PLSCR4: variants seen among roughly 807,000 people sequenced by gnomAD.
The protein encoded by PLSCR4 is phospholipid scramblase 4, also known as Ca(2+)-dependent phospholipid scramblase 4.
A neutral mutation model predicts 36.3 loss-of-function variants in PLSCR4; 25 were observed. The ratio of observed to expected loss-of-function variants is 0.69; its 90% CI spans 0.50 to 0.96. The LOEUF (loss-of-function observed/expected upper bound fraction) is 0.96, where lower values mean the gene tolerates loss of function less well. Ranked by LOEUF, PLSCR4 falls within the 40% of genes least tolerant of loss-of-function variation. PLSCR4 has a pLI of 0.00. For synonymous variants in PLSCR4, 122 were observed against 132.9 expected (o/e 0.92, Z 0.56); for missense variants, 408 against 414.7 (o/e 0.98, Z 0.14).
intron 7 of PLSCR4, among the ~76,000 whole-genome samples, 159 bp from the exon 8 acceptor site, chr3:146,195,441 T>C (rs1338109152): frequency 6.6e-6 from 1 of 152,210 alleles, no homozygotes; most frequent in African/African-American, 2.4e-5. Flanking sequence ...GTTAACTGCC[T>C]TGCAACTGGT....
chr3:146,236,399 T>C (rs754513621), intron 1 of PLSCR4, among the ~76,000 whole-genome samples: 1 of 152,184 alleles, frequency 6.6e-6, no homozygotes, highest in Admixed American at 6.5e-5. Context: ...GTTAACAGAA[T>C]AGTTAAATGC....
rs772363844 is a variant in PLSCR4, at chr3:146,206,744, C to T, written c.136G>A (p.Val46Ile). The T allele has an allele frequency of 1.3e-6, 2 of 1,590,670 alleles. No individual in the cohort carries two copies. Among genetic ancestry groups the T allele is most frequent in the Admixed American group, 1.8e-5 (1 of 55,434 alleles). ...HFLPGPPGTAVPPPTGYPGGL... is the reference protein window; with the variant it reads ...HFLPGPPGTAIPPPTGYPGGL... Reference sequence around the variant, plus strand: ...CCTGGGTAGCCAGTAGGTGGAGGGACAGCTGTTCCAGGGGGTCCTGTGTTC... The same window carrying T: ...CCTGGGTAGCCAGTAGGTGGAGGGATAGCTGTTCCAGGGGGTCCTGTGTTC... Residue 46 changes from valine to isoleucine, a missense_variant, in exon 4 of 9, where the codon GTC becomes ATC. Physicochemically the swap from Val to Ile is conservative, Grantham distance 29 (BLOSUM62 3). Coordinates refer to ENST00000354952, the MANE Select transcript of PLSCR4 (RefSeq NM_020353.3).
chr3:146,235,075 A>T (rs2035861134), intron 1 of PLSCR4, among the ~76,000 whole-genome samples: 2 of 152,040 alleles, frequency 1.3e-5, no homozygotes. Context: ...ATGCAAAATG[A>T]CTACAACACA....
At position 146,228,950 on chromosome 3, in the gene PLSCR4, A is replaced by G. The variant is rs574714695; in HGVS notation, c.-21-6858T>C. Among the ~76,000 whole-genome samples the G allele has an allele frequency of 2.6e-5, 4 of 152,332 alleles. No individual in the cohort carries two copies. In the East Asian group the frequency reaches 5.8e-4, roughly 22 times the overall value. On this transcript the variant is annotated intron_variant, in intron 1 of 8. Coordinates refer to ENST00000354952, the MANE Select transcript of PLSCR4 (RefSeq NM_020353.3). Reference sequence around the variant, plus strand: ...TCACAAGTACCTAGGCTGGGTGAATATAAGTGCTAATAGGTCTAAGAAAAT... The same window carrying G: ...TCACAAGTACCTAGGCTGGGTGAATGTAAGTGCTAATAGGTCTAAGAAAAT...
chr3:146,247,697 A>C (rs1378328277), intron 1 of PLSCR4, among the ~76,000 whole-genome samples: 1 of 152,106 alleles, frequency 6.6e-6, no homozygotes, highest in Admixed American at 6.6e-5. Flanking sequence ...ATAATGGCTC[A>C]CTGCAGCCTT....
chr3:146,234,288 G>A (rs1413247551), intron 1 of PLSCR4, among the ~76,000 whole-genome samples: 1 of 152,164 alleles, frequency 6.6e-6, no homozygotes, highest in East Asian at 1.9e-4. Context: ...GACAGCTCCA[G>A]GAGAAGCCCT....
chr3:146,222,795 GAGAGCA>G (rs901370202), intron 1 of PLSCR4, among the ~76,000 whole-genome samples: 29 of 152,182 alleles, frequency 1.9e-4, no homozygotes, highest in African/African-American at 6.8e-4. Flanking sequence ...ATCATACAAT[GAGAGCA>G]AGAGTAGAAG....
intron 1 of PLSCR4, among the ~76,000 whole-genome samples, chr3:146,236,526 T>TCTTTTCTGTGCTG: frequency 6.6e-6 from 1 of 152,220 alleles, no homozygotes; most frequent in East Asian, 1.9e-4. Context: ...TGGGGGCAGG[T>TCTTTTCTGTGCTG]CTTTTCTGTG....
rs143313993 is a variant in PLSCR4, at chr3:146,195,212, A to G, written c.857T>C (p.Met286Thr). 5.0e-6 allele frequency: 8 copies of G among 1,612,570 alleles called. No individual in the cohort carries two copies. The highest frequency in any genetic ancestry group is 6.8e-6 in the Non-Finnish European group (8 of 1,178,610). The change falls in exon 8 of 9, where the codon ATG becomes ACG. Residue 286 changes from methionine to threonine, a missense_variant. Physicochemically the swap from Met to Thr is moderately conservative, Grantham distance 81. Transcript: ENST00000354952. ...IRKWNGLLSAMADADHFDIHF... is the reference protein window; with the variant it reads ...IRKWNGLLSATADADHFDIHF... ...AATGTCAAAATGGTCAGCATCTGCCATTGCTGATAACAAACCATTCCACTT... is the reference window on the plus strand; with the variant it reads ...AATGTCAAAATGGTCAGCATCTGCCGTTGCTGATAACAAACCATTCCACTT...
chr3:146,195,249 T>C lies in PLSCR4; in HGVS notation c.820A>G (p.Ser274Gly), dbSNP rs1271133319. 6.2e-7 allele frequency: 1 copy of C among 1,613,802 alleles called. No individual in the cohort carries two copies. Among genetic ancestry groups the C allele is most frequent in the South Asian group, 1.1e-5 (1 of 91,058 alleles). ...AAACCATTCCACTTCCGGATAATAC[T>C]GCCGATGTTGGATATGCCATCAAGG... ...KSLDGISNIGSIIRKWNGLLS... is the reference protein window; with the variant it reads ...KSLDGISNIGGIIRKWNGLLS... Residue 274 changes from serine (S) to glycine (G), a missense_variant, in exon 8 of 9, where the codon AGT (serine) becomes GGT (glycine). Physicochemically the swap from Ser to Gly is moderately conservative, Grantham distance 56. Coordinates refer to ENST00000354952, the MANE Select transcript of PLSCR4 (RefSeq NM_020353.3).
At chr3:146,195,602 G>C (rs148825250) in intron 7 of PLSCR4, among the ~76,000 whole-genome samples, 6 of 152,280 alleles carry the variant, frequency 3.9e-5, no homozygotes, top group African/African-American at 1.2e-4. Flanking sequence ...AATTGGGAGA[G>C]AGTCACTTCC....
At chr3:146,242,299 C>G (rs939470222) in intron 1 of PLSCR4, among the ~76,000 whole-genome samples, 1 of 152,104 alleles carries the variant, frequency 6.6e-6, no homozygotes, top group African/African-American at 2.4e-5. Context: ...TAAAGTTTTT[C>G]TTTTAAGAGT....
chr3:146,216,196 A>G (rs756818731), intron 3 of PLSCR4, among the ~76,000 whole-genome samples: 17 of 152,114 alleles, frequency 1.1e-4, no homozygotes, highest in Non-Finnish European at 2.4e-4. Flanking sequence ...GCATCACTGT[A>G]CTCCAGCCTG....
At chr3:146,220,747 A>G (rs931619519) in intron 3 of PLSCR4, 68 bp downstream of exon 3, 1 of 1,007,350 alleles carries the variant, frequency 9.9e-7, no homozygotes, top group Non-Finnish European at 1.5e-6. Context: ...TGTTCGCTTA[A>G]AAAGCAATTT....
intron 1 of PLSCR4, among the ~76,000 whole-genome samples, chr3:146,229,693 T>C (rs2035626500): frequency 1.3e-5 from 2 of 151,570 alleles, no homozygotes; most frequent in African/African-American, 4.8e-5. Context: ...GGTGCAATCT[T>C]GGCTCACTGC....
At chr3:146,212,012 T>C (rs2034649257) in intron 3 of PLSCR4, among the ~76,000 whole-genome samples, 2 of 152,058 alleles carry the variant, frequency 1.3e-5, no homozygotes, top group South Asian at 4.1e-4. Context: ...TTCAAGATTG[T>C]TTAGGCTATT....
At chr3:146,231,681 A>C (rs537526218) in intron 1 of PLSCR4, among the ~76,000 whole-genome samples, 9 of 152,052 alleles carry the variant, frequency 5.9e-5, no homozygotes, top group Admixed American at 1.3e-4. Context: ...GTCTATTCAT[A>C]ACCTTTGCCC....
chr3:146,223,280 G>C (rs1159260153), intron 1 of PLSCR4, among the ~76,000 whole-genome samples: 1 of 152,020 alleles, frequency 6.6e-6, no homozygotes, highest in Non-Finnish European at 1.5e-5. Context: ...TTTGAGAAGG[G>C]AATTTCAATA....
chr3:146,224,631 T>G (rs1021022402), intron 1 of PLSCR4, among the ~76,000 whole-genome samples: 1 of 152,026 alleles, frequency 6.6e-6, no homozygotes, highest in African/African-American at 2.4e-5. Context: ...AGCAGCAAGA[T>G]TTATTGCAAA....
Sources: allele counts gnomAD v4.1 joint callset (sites outside exome capture counted in the v4.1 genomes callset), GRCh38; gene constraint gnomAD v4.1.1; transcripts MANE v1.5; gene names NCBI Gene and HGNC (gene_info 2026-07-23, HGNC 2026-07-21).